TMEM108: variants seen among roughly 807,000 people sequenced by gnomAD.
TMEM108 encodes the protein transmembrane protein 108, also known as cancer/testis antigen 124.
TMEM108 carries 12 observed loss-of-function variants against 35.1 expected under a neutral mutation model. The observed-to-expected ratio is 0.34, with a 90% CI of 0.22 to 0.55. The LOEUF is 0.55. Ranked by LOEUF, TMEM108 falls within the 20% of genes least tolerant of loss-of-function variation. The pLI is 0.89. For synonymous variants in TMEM108, 287 were observed against 308.6 expected (o/e 0.93, Z 0.73); for missense variants, 680 against 753.3 (o/e 0.90, Z 1.14).
chr3:133,118,359 A>G (rs1340335200), intron 2 of TMEM108, among the ~76,000 whole-genome samples: 1 of 152,196 alleles, frequency 6.6e-6, no homozygotes, highest in Non-Finnish European at 1.5e-5. Context: ...CCATGTGTTC[A>G]TTGAAAAAAT....
chr3:133,183,141 T>C (rs1945371562), intron 2 of TMEM108, among the ~76,000 whole-genome samples: 1 of 152,164 alleles, frequency 6.6e-6, no homozygotes, highest in South Asian at 2.1e-4. Context: ...ATTCAAAAAA[T>C]TGCAGGTTTT....
intron 2 of TMEM108, among the ~76,000 whole-genome samples, chr3:133,103,720 C>T (rs1463383789): frequency 6.6e-6 from 1 of 152,202 alleles, no homozygotes; most frequent in Non-Finnish European, 1.5e-5. Context: ...ACCAGTGCAA[C>T]ATTCCTTGAT....
At chr3:133,297,069 T>C (rs1426894971) in intron 3 of TMEM108, among the ~76,000 whole-genome samples, 1 of 152,206 alleles carries the variant, frequency 6.6e-6, no homozygotes, top group African/African-American at 2.4e-5. Flanking sequence ...CCGAACAATA[T>C]CAGGCTAACA....
chr3:133,244,501 G>T (rs897896040), intron 3 of TMEM108, among the ~76,000 whole-genome samples: 2 of 152,196 alleles, frequency 1.3e-5, no homozygotes, highest in African/African-American at 2.4e-5. Flanking sequence ...TTTGTCATAT[G>T]CCCCTGGGTT....
intron 2 of TMEM108, among the ~76,000 whole-genome samples, chr3:133,151,757 A>G (rs557178929): frequency 3.3e-5 from 5 of 152,286 alleles, no homozygotes; most frequent in African/African-American, 1.2e-4. Flanking sequence ...GAACCATTAT[A>G]TAGAGTTTCT....
At chr3:133,273,380 A>G (rs1946798967) in intron 3 of TMEM108, among the ~76,000 whole-genome samples, 1 of 152,216 alleles carries the variant, frequency 6.6e-6, no homozygotes, top group African/African-American at 2.4e-5. Flanking sequence ...CATTCATCAG[A>G]AGCCTTGGAT....
intron 2 of TMEM108, among the ~76,000 whole-genome samples, chr3:133,085,092 G>A (rs573933720): frequency 8.1e-4 from 123 of 152,200 alleles, no homozygotes; most frequent in Non-Finnish European, 1.1e-3. Context: ...TTCTTTCTTC[G>A]AGGAATAGTT....
chr3:133,293,702 C>T (rs1292444083), intron 3 of TMEM108, among the ~76,000 whole-genome samples: 1 of 151,984 alleles, frequency 6.6e-6, no homozygotes, highest in Non-Finnish European at 1.5e-5. Flanking sequence ...CAGCTTAAGT[C>T]CATTTTCTTT....
intron 3 of TMEM108, among the ~76,000 whole-genome samples, chr3:133,302,116 A>G (rs1441282742): frequency 1.3e-5 from 2 of 152,308 alleles, no homozygotes; most frequent in Admixed American, 1.3e-4. Flanking sequence ...ATCATTGTCT[A>G]AAGCTCAAAC....
intron 3 of TMEM108, among the ~76,000 whole-genome samples, chr3:133,324,683 A>G (rs1233721346): frequency 2.0e-5 from 3 of 152,248 alleles, no homozygotes; most frequent in African/African-American, 7.2e-5. Flanking sequence ...CACCCAAAGA[A>G]TAAGAAGTCA....
chr3:133,392,399 G>T (rs2073248226), intron 5 of TMEM108, among the ~76,000 whole-genome samples: 1 of 152,138 alleles, frequency 6.6e-6, no homozygotes, highest in South Asian at 2.1e-4. Flanking sequence ...CTCACCTCAA[G>T]TGACCCGCCC....
chr3:133,286,231 T>G (rs1946983394), intron 3 of TMEM108, among the ~76,000 whole-genome samples: 2 of 152,256 alleles, frequency 1.3e-5, no homozygotes, highest in Non-Finnish European at 2.9e-5. Flanking sequence ...TAAAACTCTC[T>G]TCTTCTGAGC....
intron 2 of TMEM108, among the ~76,000 whole-genome samples, chr3:133,080,028 A>G (rs182738343): frequency 6.6e-6 from 1 of 152,256 alleles, no homozygotes; most frequent in African/African-American, 2.4e-5. Flanking sequence ...ATTAGGGGGA[A>G]TGGACTCTTT....
intron 3 of TMEM108, among the ~76,000 whole-genome samples, chr3:133,258,159 C>A (rs1358828874): frequency 6.6e-6 from 1 of 152,070 alleles, no homozygotes; most frequent in African/African-American, 2.4e-5. Context: ...ATAAAAGAGA[C>A]CTTAAGGAGC....
intron 2 of TMEM108, among the ~76,000 whole-genome samples, chr3:133,224,284 T>A (rs1946035563): frequency 1.3e-5 from 2 of 152,182 alleles, no homozygotes; most frequent in Admixed American, 6.5e-5. Flanking sequence ...GGGTCGCCCT[T>A]GACTTGAAAC....
At chr3:133,343,966 C>T (rs2071739722) in intron 3 of TMEM108, among the ~76,000 whole-genome samples, 1 of 151,760 alleles carries the variant, frequency 6.6e-6, no homozygotes, top group Non-Finnish European at 1.5e-5. Flanking sequence ...CCAACCAAAC[C>T]ATATCAAAAA....
chr3:133,171,443 C>A (rs1945129733), intron 2 of TMEM108, among the ~76,000 whole-genome samples: 1 of 152,174 alleles, frequency 6.6e-6, no homozygotes, highest in African/African-American at 2.4e-5. Flanking sequence ...GTGGTGCAAT[C>A]ATAGCTCACT....
At chr3:133,347,357 T>C (rs192002108) in intron 3 of TMEM108, among the ~76,000 whole-genome samples, 93 of 152,256 alleles carry the variant, frequency 6.1e-4, no homozygotes, top group African/African-American at 2.2e-3. Flanking sequence ...GTACATATTT[T>C]GTTAAATTTA....
Position 133,176,530 on chromosome 3 carries a change from A to G in TMEM108, c.-46-52736A>G, listed in dbSNP as rs1945232157. ...TCAGAAACTCAGTCAAAACTACTCA[A>G]CTACATGGAAACTGAACAACCTGCT... On this transcript the variant is annotated intron_variant, in intron 2 of 5. Coordinates refer to ENST00000321871, the MANE Select transcript of TMEM108 (RefSeq NM_023943.4). Among the ~76,000 whole-genome samples the G allele has an allele frequency of 2.0e-5, 3 of 152,218 alleles. No homozygotes were observed. The South Asian group carries it at 6.2e-4, about 32-fold the overall frequency.
Sources: gnomAD v4.1 joint callset for allele counts (sites outside exome capture counted in the v4.1 genomes callset) on GRCh38, gnomAD v4.1.1 for gene constraint, MANE v1.5 for transcripts, NCBI Gene and HGNC (gene_info 2026-07-23, HGNC 2026-07-21) for gene names.